The following PKHD1 variants were observed in gnomAD, a reference collection of about 807,000 sequenced individuals.
The protein encoded by PKHD1 is fibrocystin.
PKHD1 carries 291 observed loss-of-function variants against 412.0 expected under a neutral mutation model. That is an observed-to-expected ratio of 0.71 (90% CI 0.64 to 0.78). The LOEUF is 0.78. Ranked by LOEUF, PKHD1 falls within the 30% of genes least tolerant of loss-of-function variation. The pLI, the probability that PKHD1 is intolerant of heterozygous loss-of-function variation, is 0.00. For missense variants in PKHD1, 4,825 were observed against 4,950.7 expected (o/e 0.97, Z 0.76); for synonymous variants, 1,777 against 1,821.5 (o/e 0.98, Z 0.62).
Position 52,087,535 on chromosome 6 carries a change from C to T in PKHD1, c.-186G>A, listed in dbSNP as rs1812958471. The T allele has an allele frequency of 6.6e-6, 1 of 152,130 alleles. No homozygotes were observed. The allele number at this position is 152,130 out of a possible 1,614,324, so 9.4% of individuals were successfully genotyped here. On this transcript the variant is annotated 5_prime_UTR_variant, in exon 1 of 67. Coordinates refer to ENST00000371117, the MANE Select transcript of PKHD1 (RefSeq NM_138694.4). ...TGTCAAGAATCCGTGGACATGTTAT[C>T]TGGTTAGAGCTCAGCCTGCAGCCAC... is the stretch of plus-strand genomic sequence containing the variant.
intron 60 of PKHD1, among the ~76,000 whole-genome samples, chr6:51,694,710 T>A (rs1489272634): frequency 6.6e-6 from 1 of 152,052 alleles, no homozygotes; most frequent in Non-Finnish European, 1.5e-5. Flanking sequence ...TATAGATTTG[T>A]AAGTCGTGAG....
intron 52 of PKHD1, among the ~76,000 whole-genome samples, chr6:51,807,437 CAAAAAAAAAAA>C (rs1174429085): frequency 5.1e-5 from 2 of 39,108 alleles, no homozygotes; most frequent in Non-Finnish European, 9.6e-5. Flanking sequence ...GACTCTGTCT[CAAAAAAAAAAA>C]AAAAAAAAAA....
At position 51,819,607 on chromosome 6, in the gene PKHD1, C is replaced by A. The variant is rs9474087; in HGVS notation, c.8302+11254G>T. ...TGCAATTACATTTCTATCTCCCCAG[C>A]TAGGCAGTATGTTCCAGGTGGGTCT... On this transcript the variant is annotated intron_variant, in intron 52 of 66. Transcript: ENST00000371117. Among the ~76,000 whole-genome samples the A allele has an allele frequency of 8.7e-4, 132 of 152,292 alleles. 2 individuals are homozygous for A. The highest frequency in any genetic ancestry group is 3.2e-3 in the African/African-American group (131 of 41,548).
chr6:51,836,527 C>G lies in PKHD1; in HGVS notation c.8108-58G>C. 1.2e-5 allele frequency: 15 copies of G among 1,203,334 alleles called. No homozygotes were observed. The South Asian group carries it at 1.7e-4, about 14-fold the overall frequency. 74.5% of individuals were successfully genotyped at this position (1,203,334 alleles called of 1,614,324 possible). A position where few individuals can be genotyped will look rare whatever the true frequency, so the allele number is the denominator to read the frequency against. Reference sequence around the variant, plus strand: ...ACAAAGATCATCTTAATATTAAAGACAGTCACACGTGAGAAAAGAAGAATT... The same window carrying G: ...ACAAAGATCATCTTAATATTAAAGAGAGTCACACGTGAGAAAAGAAGAATT... On this transcript the variant is annotated intron_variant, in intron 50 of 66. Transcript: ENST00000371117.
At chr6:52,014,514 T>TGGATGGATGGATGGAG in intron 34 of PKHD1, among the ~76,000 whole-genome samples, 1 of 152,006 alleles carries the variant, frequency 6.6e-6, no homozygotes, top group African/African-American at 2.4e-5. Flanking sequence ...GATGGATGGA[T>TGGATGGATGGATGGAG]GGATGGATGG....
At chr6:51,938,341 T>A (rs1019134578) in intron 36 of PKHD1, among the ~76,000 whole-genome samples, 8 of 152,096 alleles carry the variant, frequency 5.3e-5, no homozygotes, top group African/African-American at 1.9e-4. Context: ...AAAGAAGTGA[T>A]ATTTAAATGG....
chr6:51,909,430 C>G lies in PKHD1; in HGVS notation c.6535G>C (p.Gly2179Arg). The change falls in exon 40 of 67, where the codon GGA becomes CGA. Residue 2179 changes from glycine (G) to arginine (R), a missense_variant. Physicochemically the swap from Gly to Arg is moderately radical, Grantham distance 125. Coordinates refer to ENST00000371117, the MANE Select transcript of PKHD1 (RefSeq NM_138694.4). ...ACTCTGGCTCCCATATCCCTGGATC[C>G]TAGCATCTTCTCACTCATGGAATAC... is the stretch of plus-strand genomic sequence containing the variant. ...CLYSMSEKML[G>R]SRDMGARVIV... 1 of 1,613,426 alleles carries G rather than the reference C, an allele frequency of 6.2e-7. No homozygotes were observed. Among genetic ancestry groups the G allele is most frequent in the Non-Finnish European group, 8.5e-7 (1 of 1,179,560 alleles).
chr6:51,770,251 G>A (rs932728326), intron 55 of PKHD1, among the ~76,000 whole-genome samples: 1 of 151,654 alleles, frequency 6.6e-6, no homozygotes, highest in African/African-American at 2.4e-5. Flanking sequence ...TGTATTATCT[G>A]CTGTAAAACT....
chr6:52,022,729 A>G (rs185838246), intron 33 of PKHD1, 72 bp downstream of exon 33: 1 of 1,518,478 alleles, frequency 6.6e-7, no homozygotes, highest in African/African-American at 1.4e-5. Context: ...TAATCACAAA[A>G]ATAGAATTAA....
intron 60 of PKHD1, among the ~76,000 whole-genome samples, chr6:51,740,848 G>C (rs1028226994): frequency 7.2e-5 from 11 of 152,334 alleles, no homozygotes; most frequent in African/African-American, 2.6e-4. Flanking sequence ...GACACAGATT[G>C]TATTTTTAGT....
intron 60 of PKHD1, among the ~76,000 whole-genome samples, chr6:51,681,686 C>G (rs1776684437): frequency 6.6e-6 from 1 of 151,912 alleles, no homozygotes. Context: ...ACTAGTGTCC[C>G]TTTTGGGCCA....
chr6:51,916,577 T>C (rs919331621), intron 37 of PKHD1, among the ~76,000 whole-genome samples: 1 of 152,134 alleles, frequency 6.6e-6, no homozygotes, highest in Non-Finnish European at 1.5e-5. Context: ...CTGTACCCAA[T>C]TAGCTTTGAT....
At chr6:51,788,402 A>AT (rs1389696007) in intron 53 of PKHD1, among the ~76,000 whole-genome samples, 2 of 148,330 alleles carry the variant, frequency 1.3e-5, no homozygotes, top group Admixed American at 1.4e-4. Flanking sequence ...TGGCTGACCT[A>AT]TGTGTACTGC....
intron 60 of PKHD1, among the ~76,000 whole-genome samples, chr6:51,738,691 G>C (rs1268575036): frequency 1.3e-5 from 2 of 152,142 alleles, no homozygotes; most frequent in African/African-American, 2.4e-5. Flanking sequence ...GAAAGAGGCT[G>C]GCTCCTGTCT....
At chr6:51,670,952 C>A (rs1774851265) in intron 60 of PKHD1, among the ~76,000 whole-genome samples, 1 of 151,828 alleles carries the variant, frequency 6.6e-6, no homozygotes, top group South Asian at 2.1e-4. Context: ...TGTGGGTAAC[C>A]AGACCTTTCT....
chr6:51,788,405 T>C (rs1434926070), intron 53 of PKHD1, among the ~76,000 whole-genome samples: 2 of 147,882 alleles, frequency 1.4e-5, no homozygotes, highest in Non-Finnish European at 3.0e-5. Context: ...CTGACCTATG[T>C]GTACTGCATC....
At chr6:51,997,200 C>G (rs1036805279) in intron 35 of PKHD1, among the ~76,000 whole-genome samples, 1 of 152,152 alleles carries the variant, frequency 6.6e-6, no homozygotes, top group African/African-American at 2.4e-5. Context: ...ATTGTGGCCA[C>G]AGAGAAAGCA....
intron 52 of PKHD1, among the ~76,000 whole-genome samples, chr6:51,818,719 TTACACTATTAAGATGTAAACAGAAG>T (rs1452423449): frequency 6.6e-6 from 1 of 152,200 alleles, no homozygotes; most frequent in Non-Finnish European, 1.5e-5. Context: ...GTGGCTAAGT[TTACACTATTAAGATGTAAACAGAAG>T]TGTCATGTGA....
chr6:52,018,161 G>A (rs762144850), intron 33 of PKHD1, among the ~76,000 whole-genome samples: 2 of 151,974 alleles, frequency 1.3e-5, no homozygotes, highest in Non-Finnish European at 2.9e-5. Flanking sequence ...ATATTGTATT[G>A]CATGAAACTA....
Sources: gnomAD v4.1 joint callset for allele counts (sites outside exome capture counted in the v4.1 genomes callset) on GRCh38, gnomAD v4.1.1 for gene constraint, MANE v1.5 for transcripts, NCBI Gene and HGNC (gene_info 2026-07-23, HGNC 2026-07-21) for gene names.